The following CREG2 variants were observed in gnomAD, a reference collection of about 807,000 sequenced individuals.
CREG2 encodes protein CREG2.
In CREG2, 24 loss-of-function variants were observed where a neutral mutation model predicts 26.2. That is an observed-to-expected ratio of 0.92 (90% confidence interval 0.66 to 1.29). The LOEUF (loss-of-function observed/expected upper bound fraction) is 1.29. Among genes scored for constraint, CREG2 ranks in the 50% most tolerant of loss-of-function variants. The pLI is 0.00. For missense variants in CREG2, 366 were observed against 398.6 expected (o/e 0.92, Z 0.70); for synonymous variants, 174 against 169.2 (o/e 1.03, Z -0.22).
At chr2:101,353,884 A>G (rs1039082859) in intron 3 of CREG2, among the ~76,000 whole-genome samples, 9 of 152,196 alleles carry the variant, frequency 5.9e-5, no homozygotes, top group Admixed American at 1.3e-4. Flanking sequence ...CAAACACTGC[A>G]TGTTCTCACT....
At chr2:101,384,263 A>G (rs959167492) in intron 1 of CREG2, among the ~76,000 whole-genome samples, 1 of 152,226 alleles carries the variant, frequency 6.6e-6, no homozygotes, top group Non-Finnish European at 1.5e-5. Flanking sequence ...GTAATCAATA[A>G]TATTTCATTG....
At chr2:101,378,588 C>T (rs183570028) in intron 2 of CREG2, among the ~76,000 whole-genome samples, 95 of 152,316 alleles carry the variant, frequency 6.2e-4, no homozygotes, top group Non-Finnish European at 1.0e-3. Flanking sequence ...TCCTTCTTCA[C>T]CATTCTTGGA....
chr2:101,362,974 C>A (rs1036887415), intron 2 of CREG2, among the ~76,000 whole-genome samples: 4 of 152,216 alleles, frequency 2.6e-5, no homozygotes, highest in African/African-American at 9.6e-5. Flanking sequence ...CGGACCCTGA[C>A]TGTGCTCACT....
chr2:101,355,357 G>A lies in CREG2; in HGVS notation c.621C>T (p.Ile207=), dbSNP rs1468413889. The change falls in exon 3 of 4, where the codon ATC becomes ATT. Residue 207 remains isoleucine, a synonymous_variant. Coordinates refer to ENST00000324768, the MANE Select transcript of CREG2 (RefSeq NM_153836.4). ...ESEGEFCRKN[I]VDPEDPRCVQ... ...CACATCGGGGATCTTCCGGATCAAC[G>A]ATGTTTTTTCTGCATGTGAAAAACA... The A allele has an allele frequency of 6.2e-7, 1 of 1,612,060 alleles. No homozygotes were observed.
chr2:101,382,167 T>C (rs1350623240), intron 2 of CREG2: 1 of 152,202 alleles, frequency 6.6e-6, no homozygotes, highest in Non-Finnish European at 1.5e-5. Flanking sequence ...TAGAAAGGTA[T>C]CCTGGATTGG....
At chr2:101,356,332 C>A (rs776302849) in intron 2 of CREG2, among the ~76,000 whole-genome samples, 4 of 152,120 alleles carry the variant, frequency 2.6e-5, no homozygotes, top group Admixed American at 6.5e-5. Context: ...TCATTTAGGG[C>A]TGCCGGTCCA....
intron 2 of CREG2, among the ~76,000 whole-genome samples, chr2:101,368,793 A>G (rs923798355): frequency 6.6e-6 from 1 of 152,196 alleles, no homozygotes; most frequent in African/African-American, 2.4e-5. Context: ...GCCCCAAGTG[A>G]GGGCACAGTG....
At position 101,383,979 on chromosome 2, in the gene CREG2, A is replaced by G. The variant is rs59472923; in HGVS notation, c.442-277T>C. On this transcript the variant is annotated intron_variant, in intron 1 of 3. Transcript: ENST00000324768. ...GGATTCTTCTTGAAGCTGCCTGTGC[A>G]TGGCAGATATACTCACTTTGTTAAA... is the stretch of plus-strand genomic sequence containing the variant. Among the ~76,000 whole-genome samples, 446 of 152,336 alleles carry G rather than the reference A, an allele frequency of 2.9e-3. 10 individuals are homozygous for G. The highest frequency in any genetic ancestry group is 0.029 in the East Asian group (149 of 5,182).
At chr2:101,355,706 AG>A (rs1684447331) in intron 2 of CREG2, among the ~76,000 whole-genome samples, 1 of 99,424 alleles carries the variant, frequency 1.0e-5, no homozygotes, top group African/African-American at 3.9e-5. Context: ...ACAGTGGGGT[AG>A]GGTGGGGTTC....
At chr2:101,362,724 C>G (rs1488746015) in intron 2 of CREG2, among the ~76,000 whole-genome samples, 1 of 152,168 alleles carries the variant, frequency 6.6e-6, no homozygotes. Context: ...CTCCTTCAGG[C>G]CAGTGGACAT....
At chr2:101,364,643 A>G (rs1240452474) in intron 2 of CREG2, among the ~76,000 whole-genome samples, 1 of 152,196 alleles carries the variant, frequency 6.6e-6, no homozygotes, top group Non-Finnish European at 1.5e-5. Flanking sequence ...GGGATGTTCT[A>G]GGCGTGCTGA....
chr2:101,381,888 G>T (rs1251366443), intron 2 of CREG2, among the ~76,000 whole-genome samples: 1 of 152,172 alleles, frequency 6.6e-6, no homozygotes, highest in Non-Finnish European at 1.5e-5. Context: ...GTCTTCCCAA[G>T]GGACTGAAGG....
intron 1 of CREG2, 117 bp downstream of exon 1, chr2:101,386,900 G>C: frequency 2.8e-6 from 3 of 1,061,478 alleles, no homozygotes; most frequent in Admixed American, 4.3e-5. Flanking sequence ...CCAGGGCACC[G>C]GGCACGTCTG....
At chr2:101,369,558 A>G (rs1429592654) in intron 2 of CREG2, among the ~76,000 whole-genome samples, 2 of 152,206 alleles carry the variant, frequency 1.3e-5, no homozygotes, top group Admixed American at 1.3e-4. Context: ...AGAGGTGTAG[A>G]CAGAGAAGAC....
rs1485049063 is a variant in CREG2, at chr2:101,359,051, AAAAAAAAAAAAAAAAAAAAAAG to A, written c.612-3707_612-3686del. On this transcript the variant is annotated intron_variant, in intron 2 of 3. Coordinates refer to ENST00000324768, the MANE Select transcript of CREG2 (RefSeq NM_153836.4). ...CTCCGTCTCAAAAAAAAAAAAAAAAAAAAAAAAAAAAAAAAAAAAAAGAGAGAACTGAGGCAAGTTTTAGAGC... is the reference window on the plus strand; with the variant it reads ...CTCCGTCTCAAAAAAAAAAAAAAAAAAGAGAACTGAGGCAAGTTTTAGAGC... Among the ~76,000 whole-genome samples the A allele has an allele frequency of 2.1e-3, 36 of 16,984 alleles. 11 individuals are homozygous for A. Among genetic ancestry groups the A allele is most frequent in the African/African-American group, 2.7e-3 (32 of 11,804 alleles). The allele number at this position is 16,984 out of a possible 152,430, so 11.1% of individuals were successfully genotyped here.
chr2:101,360,573 T>TA (rs1207792884), intron 2 of CREG2, among the ~76,000 whole-genome samples: 1 of 151,848 alleles, frequency 6.6e-6, no homozygotes, highest in Non-Finnish European at 1.5e-5. Flanking sequence ...CTGTCTCTAC[T>TA]AAAAAAATAC....
chr2:101,387,389 G>T lies in CREG2; in HGVS notation c.69C>A (p.Ser23Arg), dbSNP rs370485936. The change falls in exon 1 of 4, where the codon AGC becomes AGA. Residue 23 changes from serine (S) to arginine (R), a missense_variant. Coordinates refer to ENST00000324768, the MANE Select transcript of CREG2 (RefSeq NM_153836.4). The surrounding 1 kb of genome is among the most constrained non-coding windows in gnomAD (Gnocchi z 4.7). Reference protein sequence around the residue: ...GTRLSWLLCCSALLSPAAGYV... With the variant: ...GTRLSWLLCCRALLSPAAGYV... ...AGCCCGCGGCCGGGGACAGCAGGGC[G>T]CTGCAGCACAGCAGCCAGGAGAGGC... 1.0e-4 allele frequency: 144 copies of T among 1,420,804 alleles called. 1 individual carries two copies. The highest frequency in any genetic ancestry group is 1.1e-5 in the Non-Finnish European group (12 of 1,076,320). The allele number at this position is 1,420,804 out of a possible 1,614,324, so 88.0% of individuals were successfully genotyped here. A position where few individuals can be genotyped will look rare whatever the true frequency, so the allele number is the denominator to read the frequency against.
At chr2:101,380,942 CA>C (rs563988407) in intron 2 of CREG2, among the ~76,000 whole-genome samples, 117 of 147,548 alleles carry the variant, frequency 7.9e-4, no homozygotes, top group Non-Finnish European at 1.2e-3. Context: ...GACTCCATCT[CA>C]AAAAAAAAAA....
intron 2 of CREG2, among the ~76,000 whole-genome samples, chr2:101,356,437 G>C (rs1403518027): frequency 6.6e-6 from 1 of 152,228 alleles, no homozygotes; most frequent in Non-Finnish European, 1.5e-5. Flanking sequence ...CAATGTTTCA[G>C]TTCTGTTGTG....
Sources: allele counts gnomAD v4.1 joint callset (sites outside exome capture counted in the v4.1 genomes callset), GRCh38; gene constraint gnomAD v4.1.1; non-coding constraint Gnocchi (gnomAD v3.1); transcripts MANE v1.5; gene names NCBI Gene and HGNC (gene_info 2026-07-23, HGNC 2026-07-21).